The following PDE1C variants were observed in gnomAD, a reference collection of about 807,000 sequenced individuals.
PDE1C encodes the protein phosphodiesterase 1C, also known as dual specificity calcium/calmodulin-dependent 3',5'-cyclic nucleotide phosphodiesterase 1C.
In PDE1C, 62 loss-of-function variants were observed where a neutral mutation model predicts 93.1. The observed-to-expected ratio is 0.67, with a 90% CI of 0.54 to 0.82. PDE1C has a LOEUF of 0.82. Among genes scored for constraint, PDE1C ranks in the 40% least tolerant of loss-of-function variants. The pLI is 0.00. For synonymous variants in PDE1C, 325 were observed against 310.1 expected (o/e 1.05, Z -0.50); for missense variants, 742 against 884.6 (o/e 0.84, Z 2.04).
chr7:32,228,187 G>C (rs1807434976), intron 1 of PDE1C, among the ~76,000 whole-genome samples: 1 of 152,234 alleles, frequency 6.6e-6, no homozygotes, highest in South Asian at 2.1e-4. Flanking sequence ...AGAACCTTCA[G>C]AGAACCAAAC....
rs1218714860 is a variant in PDE1C at position 31,847,977 on chromosome 7, T to C, written c.971A>G (p.Asp324Gly). 6 of 1,612,688 alleles carry C rather than the reference T, an allele frequency of 3.7e-6. No individual in the cohort carries two copies. The Middle Eastern group carries it at 8.3e-4, about 222-fold the overall frequency. ...EMNILINLSK[D>G]DWREFRTLVI... is the part of the protein sequence containing the mutation. ...CTTTTCTCATCCTTACCTCCAGTCA[T>C]CCTTTGAGAGGTTAATCAAAATATT... is the stretch of plus-strand genomic sequence containing the variant. The change falls in exon 9 of 18, where the codon GAT becomes GGT. Residue 324 changes from aspartate to glycine, a missense_variant. Asp to Gly is a moderately conservative substitution (Grantham distance 94). Coordinates refer to ENST00000396191, the MANE Select transcript of PDE1C (RefSeq NM_001191057.4).
chr7:32,413,015 T>C (rs1160227384), intron 1 of PDE1C, among the ~76,000 whole-genome samples: 1 of 152,142 alleles, frequency 6.6e-6, no homozygotes, highest in African/African-American at 2.4e-5. Context: ...GGCCTGTACC[T>C]TGATAGGGGT....
chr7:32,023,298 A>C (rs1037874207), intron 2 of PDE1C, among the ~76,000 whole-genome samples: 1 of 152,148 alleles, frequency 6.6e-6, no homozygotes, highest in Non-Finnish European at 1.5e-5. Flanking sequence ...ATGTTGGTTA[A>C]AGATCATACT....
chr7:31,959,785 T>C (rs919163776), intron 2 of PDE1C, among the ~76,000 whole-genome samples: 7 of 152,178 alleles, frequency 4.6e-5, no homozygotes, highest in African/African-American at 1.2e-4. Flanking sequence ...TTCCATTGCA[T>C]ACACTTTAAG....
At chr7:32,159,785 A>C (rs956393279) in intron 3 of PDE1C, among the ~76,000 whole-genome samples, 1 of 151,784 alleles carries the variant, frequency 6.6e-6, no homozygotes, top group African/African-American at 2.4e-5. Context: ...TCCGCCCAAA[A>C]ACCGGAAGCT....
intron 2 of PDE1C, among the ~76,000 whole-genome samples, chr7:31,955,967 G>A (rs60646029): frequency 0.018 from 2,683 of 152,250 alleles, 76 homozygotes; most frequent in African/African-American, 0.061. Context: ...GGAGGTTTTC[G>A]GTGACCCTCT....
chr7:31,824,156 C>T lies in PDE1C; in HGVS notation c.1406+711G>A, dbSNP rs183665405. Among the ~76,000 whole-genome samples the T allele has an allele frequency of 4.4e-3, 670 of 152,196 alleles. 3 individuals carry two copies. The highest frequency in any genetic ancestry group is 7.4e-3 in the Non-Finnish European group (504 of 68,002). On this transcript the variant is annotated intron_variant, in intron 13 of 17. Transcript: ENST00000396191. ...CTCTTCTTCCTCCTTTATGACAAAG[C>T]CCACTGTTCTACATGAACAAGGAGA... is the stretch of plus-strand genomic sequence containing the variant.
chr7:32,390,519 A>T (rs1784730239), intron 1 of PDE1C, among the ~76,000 whole-genome samples: 1 of 149,430 alleles, frequency 6.7e-6, no homozygotes. Context: ...AGGCAGAAGA[A>T]TCCTGCTCTA....
chr7:31,652,626 G>T, the PDE1C span: 4 of 1,613,608 alleles, frequency 2.5e-6, no homozygotes, highest in African/African-American at 5.3e-5. Flanking sequence ...AATCCACCCA[G>T]GCATGGCCCC....
At chr7:32,153,171 T>C (rs1562528528) in intron 3 of PDE1C, among the ~76,000 whole-genome samples, 1 of 152,126 alleles carries the variant, frequency 6.6e-6, no homozygotes, top group South Asian at 2.1e-4. Flanking sequence ...AAAGAATACA[T>C]GCAATTTGCC....
chr7:32,071,409 A>C (rs368590036), upstream of PDE1C: 204 of 985,174 alleles, frequency 2.1e-4, no homozygotes, highest in African/African-American at 3.2e-3. Flanking sequence ...CACACACCAC[A>C]CTCAAAAACT....
intron 2 of PDE1C, among the ~76,000 whole-genome samples, chr7:31,995,189 T>C (rs1784570399): frequency 6.6e-6 from 1 of 152,198 alleles, no homozygotes; most frequent in Non-Finnish European, 1.5e-5. Flanking sequence ...GAGTACTTCC[T>C]GTATTCCCTT....
chr7:32,288,302 TG>T (rs1198919413), intron 1 of PDE1C, among the ~76,000 whole-genome samples: 1 of 152,168 alleles, frequency 6.6e-6, no homozygotes, highest in Non-Finnish European at 1.5e-5. Flanking sequence ...AGCTGATGTT[TG>T]GGAAAGTGCT....
chr7:31,666,068 ATTCACATCAGGGTCATCTGATGC>A, the PDE1C span, among the ~76,000 whole-genome samples: 2 of 152,180 alleles, frequency 1.3e-5, no homozygotes, highest in African/African-American at 4.8e-5. Flanking sequence ...TGCTTTATAA[ATTCACATCAGGGTCATCTGATGC>A]TTCAGTGGAA....
At chr7:31,726,230 A>AT in the PDE1C span, among the ~76,000 whole-genome samples, 161 of 149,886 alleles carry the variant, frequency 1.1e-3, no homozygotes, top group South Asian at 4.3e-3. Context: ...CAACATGATC[A>AT]TTTTTTTTTT....
intron 1 of PDE1C, among the ~76,000 whole-genome samples, chr7:32,404,216 AG>A (rs1454003467): frequency 1.3e-5 from 2 of 152,196 alleles, no homozygotes; most frequent in Non-Finnish European, 2.9e-5. Flanking sequence ...GGTTGCTATG[AG>A]GGCTCAAGGA....
At chr7:32,176,731 A>C (rs1803018920) in intron 2 of PDE1C, among the ~76,000 whole-genome samples, 1 of 152,090 alleles carries the variant, frequency 6.6e-6, no homozygotes, top group Non-Finnish European at 1.5e-5. Flanking sequence ...GAAATCTTGA[A>C]CCTCCCTGAG....
intron 1 of PDE1C, among the ~76,000 whole-genome samples, chr7:32,306,002 G>C (rs1378219412): frequency 2.6e-5 from 4 of 152,164 alleles, no homozygotes; most frequent in Non-Finnish European, 5.9e-5. Flanking sequence ...TTGAATCATA[G>C]GGGCGGTTTC....
At chr7:31,826,295 T>C (rs1365344141) in intron 12 of PDE1C, among the ~76,000 whole-genome samples, 1 of 152,210 alleles carries the variant, frequency 6.6e-6, no homozygotes, top group East Asian at 1.9e-4. Context: ...TTAAAAGTCC[T>C]ACAATGTAAT....
Sources: gnomAD v4.1 joint callset for allele counts (sites outside exome capture counted in the v4.1 genomes callset) on GRCh38, gnomAD v4.1.1 for gene constraint, MANE v1.5 for transcripts, NCBI Gene and HGNC (gene_info 2026-07-23, HGNC 2026-07-21) for gene names.